Variants in BIRC6 observed in about 807,000 individuals in gnomAD.
BIRC6 encodes baculoviral IAP repeat containing 6, also known as dual E2 ubiquitin-conjugating enzyme/E3 ubiquitin-protein ligase BIRC6.
In BIRC6, 98 loss-of-function variants were observed where a neutral mutation model predicts 503.3. The ratio of observed to expected loss-of-function variants is 0.19; its 90% CI spans 0.17 to 0.23. BIRC6 has a LOEUF of 0.23. BIRC6 is among the 10% of genes least tolerant of loss of function. The pLI is 1.00. For synonymous variants in BIRC6, 2,240 were observed against 2,078.7 expected, an observed-to-expected ratio of 1.08 and a Z score of -2.11; for missense variants, 5,360 against 5,806.0, an observed-to-expected ratio of 0.92 and a Z score of 2.50.
chr2:32,394,830 A>G (rs1429841266), intron 5 of BIRC6, among the ~76,000 whole-genome samples: 1 of 152,052 alleles, frequency 6.6e-6, no homozygotes, highest in Non-Finnish European at 1.5e-5. Context: ...TAAAAGAGAA[A>G]GTTTTAAAGA....
At chr2:32,577,929 A>T (rs1393459326) in intron 66 of BIRC6, among the ~76,000 whole-genome samples, 2 of 152,228 alleles carry the variant, frequency 1.3e-5, no homozygotes, top group Non-Finnish European at 2.9e-5. Context: ...GCATGTGAAG[A>T]TATAATGAGT....
At chr2:32,469,755 A>C in intron 30 of BIRC6, 141 bp downstream of exon 30, 2 of 745,258 alleles carry the variant, frequency 2.7e-6, no homozygotes, top group Non-Finnish European at 4.5e-6. Flanking sequence ...ATGACCAGTG[A>C]AGGGCACCAG....
chr2:32,541,238 T>C (rs2057639768), intron 61 of BIRC6, among the ~76,000 whole-genome samples: 1 of 152,096 alleles, frequency 6.6e-6, no homozygotes, highest in Non-Finnish European at 1.5e-5. Flanking sequence ...AATTTGCCTA[T>C]AAAGGGTTTC....
At position 32,531,529 on chromosome 2, in the gene BIRC6, T is replaced by G; in HGVS notation, c.12269T>G (p.Leu4090Arg). The G allele has an allele frequency of 6.2e-7, 1 of 1,612,812 alleles. No individual in the cohort carries two copies. Among genetic ancestry groups the G allele is most frequent in the Non-Finnish European group, 8.5e-7 (1 of 1,179,264 alleles). ...LALIAERLPMLYPEVIQQVSA... is the reference protein window; with the variant it reads ...LALIAERLPMRYPEVIQQVSA... The stretch of plus-strand genomic sequence containing the variant: ...CTTATTGCTGAAAGACTACCCATGC[T>G]ATATCCAGAAGTAATTCAACAGGTA... Residue 4090 changes from leucine to arginine, a missense_variant, in exon 61 of 74, where the codon CTA (leucine) becomes CGA (arginine). Physicochemically the swap from Leu to Arg is moderately radical, Grantham distance 102. Around this residue, in one of 16 missense-constraint regions of BIRC6, gnomAD observed 878 missense variants for 928.9 expected, o/e 0.95. Coordinates refer to ENST00000421745, the MANE Select transcript of BIRC6 (RefSeq NM_016252.4).
chr2:32,473,307 A>G, intron 33 of BIRC6, 68 bp downstream of exon 33: 1 of 1,308,032 alleles, frequency 7.6e-7, no homozygotes, highest in Non-Finnish European at 1.0e-6. Flanking sequence ...CATGAGACAG[A>G]TGTGCCATCA....
intron 65 of BIRC6, among the ~76,000 whole-genome samples, chr2:32,560,411 T>A (rs896021423): frequency 2.9e-4 from 44 of 152,184 alleles, no homozygotes; most frequent in Middle Eastern, 3.2e-3. Context: ...AATATCTTCT[T>A]CTATTTCCAT....
intron 49 of BIRC6, among the ~76,000 whole-genome samples, chr2:32,504,439 G>A (rs912453740): frequency 5.1e-4 from 78 of 151,864 alleles, no homozygotes; most frequent in African/African-American, 1.8e-3. Context: ...TGGCCGAGGC[G>A]GGTGGATCAT....
At chr2:32,401,697 A>T in intron 8 of BIRC6, 74 bp downstream of exon 8, 1 of 1,332,906 alleles carries the variant, frequency 7.5e-7, no homozygotes, top group South Asian at 1.6e-5. Context: ...CATAGTTCTA[A>T]TAATTAAAGA....
chr2:32,614,030 C>T (rs191574448), intron 73 of BIRC6, among the ~76,000 whole-genome samples: 2 of 152,234 alleles, frequency 1.3e-5, no homozygotes, highest in East Asian at 3.9e-4. Context: ...TACATAGATA[C>T]CCTGTCATCA....
At chr2:32,606,639 C>G (rs2062474913) in intron 71 of BIRC6, among the ~76,000 whole-genome samples, 1 of 151,906 alleles carries the variant, frequency 6.6e-6, no homozygotes, top group South Asian at 2.1e-4. Flanking sequence ...GATACTGTAG[C>G]AGTTAATTGT....
chr2:32,525,476 A>C lies in BIRC6; in HGVS notation c.11768A>C (p.Gln3923Pro). Residue 3923 changes from glutamine (Q) to proline (P), a missense_variant, in exon 59 of 74, where the codon CAA (glutamine) becomes CCA (proline). Gln to Pro is a moderately conservative substitution (Grantham distance 76). This residue lies in a region of BIRC6 where 878 missense variants were observed against 928.9 expected (regional missense o/e 0.95). Coordinates refer to ENST00000421745, the MANE Select transcript of BIRC6 (RefSeq NM_016252.4). Reference sequence around the variant, plus strand: ...CCTTTTCTTTTAGGGCTGAAGTCTCAATCTAAACGTGCTGTGTCAGCTACA... The same window carrying C: ...CCTTTTCTTTTAGGGCTGAAGTCTCCATCTAAACGTGCTGTGTCAGCTACA... ...SVVVASGLKS[Q>P]SKRAVSATPP... 6.2e-7 allele frequency: 1 copy of C among 1,613,940 alleles called. No homozygotes were observed. Among genetic ancestry groups the C allele is most frequent in the Non-Finnish European group, 8.5e-7 (1 of 1,179,876 alleles).
At chr2:32,592,303 C>G (rs1389542827) in intron 66 of BIRC6, among the ~76,000 whole-genome samples, 1 of 152,138 alleles carries the variant, frequency 6.6e-6, no homozygotes, top group East Asian at 1.9e-4. Flanking sequence ...AAAAAGGCAG[C>G]CATTCAGTGA....
intron 65 of BIRC6, among the ~76,000 whole-genome samples, chr2:32,560,805 G>A (rs1374730202): frequency 6.6e-6 from 1 of 151,542 alleles, no homozygotes; most frequent in Non-Finnish European, 1.5e-5. Context: ...CTGGCCTTAA[G>A]CAATCCTCTT....
At chr2:32,414,121 GTC>G (rs1201541353) in intron 9 of BIRC6, among the ~76,000 whole-genome samples, 2 of 151,800 alleles carry the variant, frequency 1.3e-5, no homozygotes, top group Non-Finnish European at 2.9e-5. Flanking sequence ...GAGAAACCAT[GTC>G]TCTACTGAAA....
intron 65 of BIRC6, among the ~76,000 whole-genome samples, chr2:32,567,774 T>C (rs2059630503): frequency 6.6e-6 from 1 of 152,134 alleles, no homozygotes; most frequent in Non-Finnish European, 1.5e-5. Context: ...ATGGATTAGA[T>C]GGATGTATAC....
intron 10 of BIRC6, among the ~76,000 whole-genome samples, chr2:32,428,518 C>A (rs2043770069): frequency 2.0e-5 from 3 of 152,172 alleles, no homozygotes; most frequent in Admixed American, 2.0e-4. Context: ...TTTTGTCTAG[C>A]TTTATAGTTG....
At chr2:32,535,704 A>C (rs2057174561) in intron 61 of BIRC6, among the ~76,000 whole-genome samples, 2 of 152,138 alleles carry the variant, frequency 1.3e-5, no homozygotes, top group African/African-American at 4.8e-5. Context: ...CCAGTCTATC[A>C]CTGTTGGACA....
At chr2:32,514,408 T>G (rs2054788640) in intron 54 of BIRC6, among the ~76,000 whole-genome samples, 1 of 152,236 alleles carries the variant, frequency 6.6e-6, no homozygotes, top group South Asian at 2.1e-4. Context: ...TTACCCACAT[T>G]TCTTCACCAT....
chr2:32,430,948 C>G lies in BIRC6; in HGVS notation c.3106C>G (p.Pro1036Ala). Reference sequence around the variant, plus strand: ...GCTAACCCGCTTTGAGACTTTGACTCCAAGGTTTTCAGCGACTGTTCCTCC... The same window carrying G: ...GCTAACCCGCTTTGAGACTTTGACTGCAAGGTTTTCAGCGACTGTTCCTCC... ...VELTRFETLTPRFSATVPPCW... is the reference protein window; with the variant it reads ...VELTRFETLTARFSATVPPCW... Residue 1036 changes from proline (P) to alanine (A), a missense_variant, in exon 12 of 74, where the codon CCA becomes GCA. Around this residue, in one of 16 missense-constraint regions of BIRC6, gnomAD observed 700 missense variants for 739.3 expected, o/e 0.95. Coordinates refer to ENST00000421745, the MANE Select transcript of BIRC6 (RefSeq NM_016252.4). 6.2e-7 allele frequency: 1 copy of G among 1,613,066 alleles called. No homozygotes were observed. Among genetic ancestry groups the G allele is most frequent in the Non-Finnish European group, 8.5e-7 (1 of 1,179,750 alleles).
Sources: gnomAD v4.1 joint callset for allele counts (sites outside exome capture counted in the v4.1 genomes callset) on GRCh38, gnomAD v4.1.1 for gene constraint, gnomAD v4.1.1 regional missense constraint, MANE v1.5 for transcripts, NCBI Gene and HGNC (gene_info 2026-07-23, HGNC 2026-07-21) for gene names.